The following PDZD2 variants were observed in gnomAD, a reference collection of about 807,000 sequenced individuals.
PDZD2 encodes the protein PDZ domain containing 2.
A neutral mutation model predicts 220.7 loss-of-function variants in PDZD2; 90 were observed. The ratio of observed to expected loss-of-function variants is 0.41; its 90% CI spans 0.34 to 0.49. PDZD2 has a LOEUF of 0.49. Among genes scored for constraint, PDZD2 ranks in the 20% least tolerant of loss-of-function variants. The pLI, the probability that PDZD2 is intolerant of heterozygous loss-of-function variation, is 0.28. For missense variants in PDZD2, 3,174 were observed against 3,608.5 expected, an observed-to-expected ratio of 0.88 and a Z score of 3.08; for synonymous variants, 1,375 against 1,450.5, an observed-to-expected ratio of 0.95 and a Z score of 1.18.
Position 32,090,424 on chromosome 5 carries a change from C to T in PDZD2, c.6976C>T (p.Pro2326Ser), listed in dbSNP as rs752764586. ...ACACTACTGCTATGAGCAGAACTGGCCCCATGAATCTACCTCATTTTTCTC... is the reference window on the plus strand; with the variant it reads ...ACACTACTGCTATGAGCAGAACTGGTCCCATGAATCTACCTCATTTTTCTC... ...RRHYCYEQNW[P>S]HESTSFFSVK... Residue 2326 changes from proline to serine, a missense_variant, in exon 20 of 25, where the codon CCC becomes TCC. Pro to Ser is a moderately conservative substitution (Grantham distance 74). Transcript: ENST00000438447. This position sits in a 1 kb window ranked among gnomAD's most constrained non-coding sequence, Gnocchi z 4.3. 7 of 1,614,144 alleles carry T rather than the reference C, an allele frequency of 4.3e-6. No homozygotes were observed. The highest frequency in any genetic ancestry group is 5.9e-6 in the Non-Finnish European group (7 of 1,180,010).
chr5:31,990,995 G>C (rs1751165220), intron 3 of PDZD2, among the ~76,000 whole-genome samples: 1 of 152,212 alleles, frequency 6.6e-6, no homozygotes, highest in African/African-American at 2.4e-5. Flanking sequence ...AATGTTCCCA[G>C]GGAAGAACCA....
chr5:31,706,842 C>CAAAAAAA (rs60622267), intron 1 of PDZD2, among the ~76,000 whole-genome samples: 1 of 128,986 alleles, frequency 7.8e-6, no homozygotes. Context: ...GATTCCATCT[C>CAAAAAAA]AAAAAAAAAA....
chr5:31,672,232 T>C (rs1402190483), intron 1 of PDZD2, among the ~76,000 whole-genome samples: 1 of 152,180 alleles, frequency 6.6e-6, no homozygotes, highest in Non-Finnish European at 1.5e-5. Context: ...GGGGGTCTTG[T>C]TAAAATGCAG....
intron 2 of PDZD2, among the ~76,000 whole-genome samples, chr5:31,898,061 TC>T (rs1297662655): frequency 6.6e-6 from 1 of 152,114 alleles, no homozygotes; most frequent in Non-Finnish European, 1.5e-5. Context: ...ATCTTTTCTC[TC>T]CCCGTCTAGA....
chr5:32,003,899 A>T (rs551352172), intron 5 of PDZD2, among the ~76,000 whole-genome samples: 1 of 152,158 alleles, frequency 6.6e-6, no homozygotes, highest in East Asian at 1.9e-4. Context: ...TTTAGTAGAG[A>T]CGGGGTTTCG....
At chr5:31,824,226 C>T (rs2150259422) in intron 2 of PDZD2, among the ~76,000 whole-genome samples, 1 of 152,294 alleles carries the variant, frequency 6.6e-6, no homozygotes, top group East Asian at 1.9e-4. Flanking sequence ...GTTGGCAGCT[C>T]CAGTCAACAC....
chr5:32,064,705 C>T (rs745484146), intron 14 of PDZD2, among the ~76,000 whole-genome samples: 3 of 152,128 alleles, frequency 2.0e-5, no homozygotes, highest in Non-Finnish European at 2.9e-5. Context: ...CGGTCGCTCA[C>T]ATCTGTAGTC....
At chr5:31,821,397 T>A (rs1182061193) in intron 2 of PDZD2, among the ~76,000 whole-genome samples, 2 of 151,888 alleles carry the variant, frequency 1.3e-5, no homozygotes, top group Non-Finnish European at 2.9e-5. Flanking sequence ...ATTTTTTTTT[T>A]TTGAGATGGA....
intron 2 of PDZD2, among the ~76,000 whole-genome samples, chr5:31,908,062 GAC>G (rs796834066): frequency 1.3e-4 from 16 of 122,932 alleles, no homozygotes; most frequent in African/African-American, 4.4e-4. Flanking sequence ...TAGCCTGGGT[GAC>G]AGAGCCAGGC....
chr5:31,910,850 A>G (rs1264094614), intron 2 of PDZD2, among the ~76,000 whole-genome samples: 1 of 152,084 alleles, frequency 6.6e-6, no homozygotes, highest in Non-Finnish European at 1.5e-5. Context: ...TTTAACCGCC[A>G]TGCTACTCTG....
rs144858269 is a variant in PDZD2, at chr5:32,069,311, A to AT, written c.2452-257dup. Among the ~76,000 whole-genome samples, 363 of 151,676 alleles carry AT rather than the reference A, an allele frequency of 2.4e-3. 1 individual carries two copies. Among genetic ancestry groups the AT allele is most frequent in the African/African-American group, 8.1e-3 (336 of 41,332 alleles). ...TGAAGTGAGTTTTCCGGAGAGGCAG[A>AT]TATCAGCTGTGTTGTTGGTAATCAT... is the stretch of plus-strand genomic sequence containing the variant. On this transcript the variant is annotated intron_variant, in intron 14 of 24. Transcript: ENST00000438447.
chr5:31,652,869 G>C (rs1240063899), intron 1 of PDZD2, among the ~76,000 whole-genome samples: 1 of 152,128 alleles, frequency 6.6e-6, no homozygotes. Context: ...AAAAGTAGCT[G>C]GGCATGGTGG....
At chr5:31,665,649 C>CT (rs1256140543) in intron 1 of PDZD2, among the ~76,000 whole-genome samples, 1 of 116,788 alleles carries the variant, frequency 8.6e-6, no homozygotes, top group African/African-American at 3.3e-5. Flanking sequence ...CCCCCTCCCC[C>CT]CCCTCCCTTT....
chr5:31,849,915 TATACATATATATATATAC>T (rs1757849457), intron 2 of PDZD2, among the ~76,000 whole-genome samples: 2 of 22,398 alleles, frequency 8.9e-5, no homozygotes, highest in Non-Finnish European at 1.6e-4. Flanking sequence ...CATATATATA[TATACATATATATATATAC>T]ACATATATAT....
At chr5:31,682,179 T>G (rs1192076597) in intron 1 of PDZD2, among the ~76,000 whole-genome samples, 1 of 152,170 alleles carries the variant, frequency 6.6e-6, no homozygotes. Flanking sequence ...GTGTGTTTCC[T>G]GGAGGACCCA....
At chr5:31,649,898 A>AC (rs1425115738) in intron 1 of PDZD2, among the ~76,000 whole-genome samples, 2 of 127,628 alleles carry the variant, frequency 1.6e-5, no homozygotes, top group Admixed American at 9.9e-5. Context: ...AGATCACACC[A>AC]CTGCACTCCA....
intron 2 of PDZD2, among the ~76,000 whole-genome samples, chr5:31,955,604 T>C (rs1465991959): frequency 6.6e-6 from 1 of 151,896 alleles, no homozygotes; most frequent in African/African-American, 2.4e-5. Context: ...GCCCGGCCCT[T>C]TGTGTTGTTT....
chr5:31,737,197 T>C (rs1224783341), intron 1 of PDZD2, among the ~76,000 whole-genome samples: 19 of 115,578 alleles, frequency 1.6e-4, no homozygotes, highest in South Asian at 1.1e-3. Context: ...TTTTTTGAGA[T>C]GGAGTCTCGC....
At chr5:31,732,948 T>C (rs981923956) in intron 1 of PDZD2, among the ~76,000 whole-genome samples, 2 of 152,340 alleles carry the variant, frequency 1.3e-5, no homozygotes, top group Non-Finnish European at 2.9e-5. Context: ...AGACTGATCT[T>C]GAACTTCTGA....
Sources: gnomAD v4.1 joint callset for allele counts (sites outside exome capture counted in the v4.1 genomes callset) on GRCh38, gnomAD v4.1.1 for gene constraint, Gnocchi (gnomAD v3.1) non-coding constraint, MANE v1.5 for transcripts, NCBI Gene and HGNC (gene_info 2026-07-23, HGNC 2026-07-21) for gene names.